Variants in CHRM3 observed in about 807,000 individuals in gnomAD.
CHRM3 encodes the protein muscarinic acetylcholine receptor M3.
Under a neutral mutation model 41.8 loss-of-function variants are expected in CHRM3, and 11 were observed. The ratio of observed to expected loss-of-function variants is 0.26; its 90% CI spans 0.17 to 0.44. The LOEUF (loss-of-function observed/expected upper bound fraction) is 0.44. Ranked by LOEUF, CHRM3 falls within the 20% of genes least tolerant of loss-of-function variation. The probability of loss-of-function intolerance (pLI) is 1.00; values close to 1 mark genes in which losing one functional copy is unlikely to be tolerated. For missense variants in CHRM3, 571 were observed against 745.4 expected (o/e 0.77, Z 2.72); for synonymous variants, 297 against 301.4 (o/e 0.99, Z 0.15).
intron 3 of CHRM3, among the ~76,000 whole-genome samples, chr1:239,619,747 A>G (rs1351179310): frequency 6.6e-6 from 1 of 151,664 alleles, no homozygotes; most frequent in African/African-American, 2.4e-5. Context: ...ACTCCGTAAC[A>G]TTGGTGTGAC....
intron 1 of CHRM3, among the ~76,000 whole-genome samples, chr1:239,468,056 ACTTAGT>A (rs1665860327): frequency 1.3e-5 from 2 of 152,096 alleles, no homozygotes; most frequent in African/African-American, 4.8e-5. Flanking sequence ...AAGCTCCAAA[ACTTAGT>A]CTTAGTAATG....
intron 2 of CHRM3, among the ~76,000 whole-genome samples, chr1:239,494,208 T>C (rs1298313103): frequency 6.6e-6 from 1 of 152,138 alleles, no homozygotes; most frequent in Non-Finnish European, 1.5e-5. Flanking sequence ...CTATGGTATT[T>C]GTAAACTGCC....
At position 239,909,335 on chromosome 1, in the gene CHRM3, A is replaced by G. The variant is rs1007845356; in HGVS notation, c.*111A>G. 1.5e-5 allele frequency: 17 copies of G among 1,139,006 alleles called. No homozygotes were observed. In the East Asian group the frequency reaches 4.3e-4, roughly 29 times the overall value. 70.6% of individuals were successfully genotyped at this position (1,139,006 alleles called of 1,614,324 possible). A position where few individuals can be genotyped will look rare whatever the true frequency, so the allele number is the denominator to read the frequency against. On this transcript the variant is annotated 3_prime_UTR_variant, in exon 7 of 7. Transcript: ENST00000676153. ...TGGTGATGATAAAAATGGTTTTATC[A>G]CCCAGATGTGAAAGAAGCTGCCTGT...
intron 3 of CHRM3, among the ~76,000 whole-genome samples, chr1:239,630,169 TTAG>T (rs1192188551): frequency 6.6e-6 from 1 of 152,218 alleles, no homozygotes; most frequent in Non-Finnish European, 1.5e-5. Context: ...GATATTGATA[TTAG>T]TAGACACTTC....
chr1:239,761,899 G>A (rs1666817236), intron 5 of CHRM3, among the ~76,000 whole-genome samples: 1 of 152,080 alleles, frequency 6.6e-6, no homozygotes, highest in Non-Finnish European at 1.5e-5. Context: ...TAGCCTCCTG[G>A]AATTCCCAAT....
chr1:239,467,209 T>G (rs1480141288), intron 1 of CHRM3, among the ~76,000 whole-genome samples: 1 of 152,178 alleles, frequency 6.6e-6, no homozygotes, highest in Non-Finnish European at 1.5e-5. Flanking sequence ...TGAGTGCTTG[T>G]TTTTCCTTTA....
At chr1:239,576,621 CA>C (rs59208343) in intron 3 of CHRM3, among the ~76,000 whole-genome samples, 6 of 147,672 alleles carry the variant, frequency 4.1e-5, no homozygotes, top group Admixed American at 3.4e-4. Flanking sequence ...CACACACACA[CA>C]ACAAACAAAC....
intron 6 of CHRM3, among the ~76,000 whole-genome samples, chr1:239,875,526 A>G (rs930713567): frequency 1.3e-5 from 2 of 152,252 alleles, no homozygotes; most frequent in African/African-American, 4.8e-5. Flanking sequence ...CACAAAAACC[A>G]TTCTCAGCTC....
chr1:239,854,768 C>T (rs1302037538), intron 6 of CHRM3, among the ~76,000 whole-genome samples: 1 of 152,062 alleles, frequency 6.6e-6, no homozygotes, highest in African/African-American at 2.4e-5. Context: ...GAAATATCTT[C>T]CTATGTGAAA....
intron 5 of CHRM3, chr1:239,719,717 T>C (rs1301819597): frequency 6.6e-6 from 1 of 151,930 alleles, no homozygotes; most frequent in Non-Finnish European, 1.5e-5. Flanking sequence ...AAGTGGGATT[T>C]TGGGCACGGC....
At chr1:239,428,109 T>G (rs1662538583) in intron 1 of CHRM3, among the ~76,000 whole-genome samples, 1 of 152,174 alleles carries the variant, frequency 6.6e-6, no homozygotes, top group Non-Finnish European at 1.5e-5. Context: ...TCTTTGACCC[T>G]GATTCTACAA....
chr1:239,404,727 TATA>T (rs1230223881), intron 1 of CHRM3, among the ~76,000 whole-genome samples: 109 of 124,514 alleles, frequency 8.8e-4, no homozygotes, highest in Non-Finnish European at 1.2e-3. Context: ...TAAATATATA[TATA>T]TATATATATA....
In CHRM3 at chr1:239,639,164, T is replaced by C. The variant is rs573886655; in HGVS notation, c.-250+6878T>C. On this transcript the variant is annotated intron_variant, in intron 4 of 6. Transcript: ENST00000676153. Reference sequence around the variant, plus strand: ...CAGTACCATGCTGTTTTGGTTACTGTAGCCTTGTAGTATAGTTTGAAGTCA... The same window carrying C: ...CAGTACCATGCTGTTTTGGTTACTGCAGCCTTGTAGTATAGTTTGAAGTCA... Among the ~76,000 whole-genome samples the C allele has an allele frequency of 1.6e-4, 25 of 152,270 alleles. No individual in the cohort carries two copies. In the South Asian group the frequency reaches 5.0e-3, roughly 30 times the overall value.
chr1:239,907,490 T>C lies in CHRM3; in HGVS notation c.39T>C (p.Phe13=). 2 of 1,614,152 alleles carry C rather than the reference T, an allele frequency of 1.2e-6. No homozygotes were observed. The highest frequency in any genetic ancestry group is 1.7e-6 in the Non-Finnish European group (2 of 1,180,018). The change falls in exon 7 of 7, where the codon TTT becomes TTC. Residue 13 remains phenylalanine (F), a synonymous_variant. Coordinates refer to ENST00000676153, the MANE Select transcript of CHRM3 (RefSeq NM_001375978.1). This position sits in a 1 kb window ranked among gnomAD's most constrained non-coding sequence, Gnocchi z 5.4. ...ATAACAGTACAACCTCGCCTTTGTT[T>C]CCAAACATCAGCTCCTCCTGGATAC... is the stretch of plus-strand genomic sequence containing the variant. ...LHNNSTTSPL[F]PNISSSWIHS...
intron 5 of CHRM3, chr1:239,704,718 A>T (rs1660985404): frequency 1.3e-5 from 2 of 152,230 alleles, no homozygotes; most frequent in Admixed American, 6.5e-5. Flanking sequence ...GCATACATGT[A>T]ACAGCAATGC....
chr1:239,450,421 A>G (rs1664478774), intron 1 of CHRM3, among the ~76,000 whole-genome samples: 1 of 152,158 alleles, frequency 6.6e-6, no homozygotes, highest in Non-Finnish European at 1.5e-5. Flanking sequence ...ATACTTTTAT[A>G]TTCTCTTTTA....
At chr1:239,790,656 T>C (rs748901369) in intron 5 of CHRM3, among the ~76,000 whole-genome samples, 20 of 152,164 alleles carry the variant, frequency 1.3e-4, no homozygotes, top group Non-Finnish European at 1.5e-4. Context: ...CTACAATCAG[T>C]TTCCCCTGTC....
chr1:239,494,076 A>G (rs775041973), intron 2 of CHRM3, among the ~76,000 whole-genome samples: 49 of 152,310 alleles, frequency 3.2e-4, no homozygotes, highest in Middle Eastern at 3.4e-3. Context: ...ATTTTTAATT[A>G]CATGTAAATT....
intron 5 of CHRM3, among the ~76,000 whole-genome samples, chr1:239,741,554 G>A (rs190952156): frequency 6.0e-4 from 92 of 152,148 alleles, no homozygotes; most frequent in Middle Eastern, 6.8e-3. Flanking sequence ...CATATGTTAG[G>A]GTAGACTGTC....
Sources: allele counts gnomAD v4.1 joint callset (sites outside exome capture counted in the v4.1 genomes callset), GRCh38; gene constraint gnomAD v4.1.1; non-coding constraint Gnocchi (gnomAD v3.1); transcripts MANE v1.5; gene names NCBI Gene and HGNC (gene_info 2026-07-23, HGNC 2026-07-21).